Variants in NPC2 observed in about 807,000 individuals in gnomAD.
The protein encoded by NPC2 is Niemann-Pick disease type C2 protein.
NPC2 carries 14 observed loss-of-function variants against 17.0 expected under a neutral mutation model. The ratio of observed to expected loss-of-function variants is 0.82; its 90% confidence interval spans 0.54 to 1.29. The LOEUF (loss-of-function observed/expected upper bound fraction) is 1.29, where lower values mean the gene tolerates loss of function less well. Ranked by LOEUF, NPC2 falls within the 50% of genes most tolerant of loss-of-function variation. NPC2 has a pLI of 0.00. For synonymous variants in NPC2, 75 were observed against 69.3 expected (o/e 1.08, Z -0.41); for missense variants, 167 against 183.4 (o/e 0.91, Z 0.52).
intron 2 of NPC2, among the ~76,000 whole-genome samples, chr14:74,485,532 G>C (rs572215434): frequency 6.7e-6 from 1 of 148,286 alleles, no homozygotes; most frequent in East Asian, 2.0e-4. Context: ...TTTTTTTTTG[G>C]TTTGGAACAA....
chr14:74,493,259 C>T lies in NPC2; in HGVS notation c.16G>A (p.Ala6Thr). MRFLAATFLLLALSTA... is the reference protein window; with the variant it reads MRFLATTFLLLALSTA... ...CTGAGCGCCAGGAGCAGGAATGTAG[C>T]TGCCAGGAAACGCATCGCGGATAAC... is the stretch of plus-strand genomic sequence containing the variant. Residue 6 changes from alanine to threonine, a missense_variant, in exon 1 of 5, where the codon GCT becomes ACT. Physicochemically the swap from Ala to Thr is moderately conservative, Grantham distance 58. Transcript: ENST00000555619. The surrounding 1 kb of genome is among the most constrained non-coding windows in gnomAD (Gnocchi z 4.1). 6.2e-7 allele frequency: 1 copy of T among 1,613,378 alleles called. No homozygotes were observed. Among genetic ancestry groups the T allele is most frequent in the East Asian group, 2.2e-5 (1 of 44,854 alleles).
chr14:74,485,555 G>C lies in NPC2; in HGVS notation c.190+774C>G, dbSNP rs375986127. On this transcript the variant is annotated intron_variant, in intron 2 of 4. Coordinates refer to ENST00000555619, the MANE Select transcript of NPC2 (RefSeq NM_006432.5). ...TGGTTTGGAACAATAGAGAGGCCAGGGTATAGTCCAGAGAGGAAACAGGGA... is the reference window on the plus strand; with the variant it reads ...TGGTTTGGAACAATAGAGAGGCCAGCGTATAGTCCAGAGAGGAAACAGGGA... Among the ~76,000 whole-genome samples, 9 of 141,814 alleles carry C rather than the reference G, an allele frequency of 6.3e-5. 1 individual carries two copies. Among genetic ancestry groups the C allele is most frequent in the African/African-American group, 2.2e-4 (8 of 36,072 alleles). 93.0% of individuals were successfully genotyped at this position (141,814 alleles called of 152,430 possible).
chr14:74,480,168 G>A lies in NPC2; in HGVS notation c.*106C>T. 1 of 1,611,266 alleles carries A rather than the reference G, an allele frequency of 6.2e-7. No homozygotes were observed. Among genetic ancestry groups the A allele is most frequent in the South Asian group, 1.1e-5 (1 of 90,700 alleles). On this transcript the variant is annotated 3_prime_UTR_variant, in exon 5 of 5. Transcript: ENST00000555619. ...GCACCTCCTCTTCAACGAATCACTG[G>A]ATACCATTGGAGAGCAAGTCACTGT... is the stretch of plus-strand genomic sequence containing the variant.
intron 1 of NPC2, among the ~76,000 whole-genome samples, chr14:74,487,143 GT>G (rs150813068): frequency 0.16 from 24,366 of 151,836 alleles, 2,071 homozygotes; most frequent in South Asian, 0.26. Context: ...TAGAGACAGG[GT>G]TTCACTATGT....
chr14:74,480,457 A>C, intron 4 of NPC2, 169 bp from the exon 5 acceptor site: 2 of 777,150 alleles, frequency 2.6e-6, no homozygotes, highest in South Asian at 2.8e-5. Flanking sequence ...AGACAGTTAA[A>C]TCAATCTCTA....
intron 3 of NPC2, among the ~76,000 whole-genome samples, chr14:74,481,200 C>T (rs930010560): frequency 1.3e-5 from 2 of 152,212 alleles, no homozygotes; most frequent in Non-Finnish European, 2.9e-5. Flanking sequence ...TTAGCACCGT[C>T]CCCTTGGTGA....
At chr14:74,480,653 T>C (rs865981290) in intron 4 of NPC2, 49 bp downstream of exon 4, 1 of 1,429,664 alleles carries the variant, frequency 7.0e-7, no homozygotes, top group Middle Eastern at 1.7e-4. Flanking sequence ...TGATTTCTCC[T>C]CCACTTTCTT....
rs2086714270 is a variant in NPC2 at position 74,486,502 on chromosome 14, C to G, written c.83-66G>C. On this transcript the variant is annotated intron_variant, in intron 1 of 4. Coordinates refer to ENST00000555619, the MANE Select transcript of NPC2 (RefSeq NM_006432.5). ...GAAATAAGCCAGCTAGGCTGCCCAC[C>G]ACCTAATGGGAAGGTGCTCTGCTCT... 3.1e-6 allele frequency: 4 copies of G among 1,294,768 alleles called. 1 individual carries two copies. The highest frequency in any genetic ancestry group is 3.9e-4 in the Middle Eastern group (2 of 5,180). 80.2% of individuals were successfully genotyped at this position (1,294,768 alleles called of 1,614,324 possible).
intron 1 of NPC2, among the ~76,000 whole-genome samples, chr14:74,486,955 CA>C (rs2086718428): frequency 6.6e-6 from 1 of 151,488 alleles, no homozygotes; most frequent in African/African-American, 2.4e-5. Context: ...GGAACAACTA[CA>C]TTTTTTTTTT....
chr14:74,483,674 C>T (rs1289794618), intron 3 of NPC2, among the ~76,000 whole-genome samples: 2 of 151,950 alleles, frequency 1.3e-5, no homozygotes, highest in Non-Finnish European at 1.5e-5. Flanking sequence ...TATAAGTTCC[C>T]TGGAGAAAAA....
At chr14:74,484,245 C>T (rs1380970996) in intron 3 of NPC2, among the ~76,000 whole-genome samples, 170 bp downstream of exon 3, 1 of 152,132 alleles carries the variant, frequency 6.6e-6, no homozygotes, top group African/African-American at 2.4e-5. Flanking sequence ...AGAAAAAGAC[C>T]TGCCCTACCT....
chr14:74,484,556 C>G lies in NPC2; in HGVS notation c.222G>C (p.Val74=), dbSNP rs763523833. Residue 74 remains valine, a synonymous_variant, in exon 3 of 5, where the codon GTG becomes GTC. Coordinates refer to ENST00000555619, the MANE Select transcript of NPC2 (RefSeq NM_006432.5). Reference sequence around the variant, plus strand: ...CTGGGACGCCCATCAGGATGCCATGCACCACGGCCTTGCTGCTTTTAGACT... The same window carrying G: ...CTGGGACGCCCATCAGGATGCCATGGACCACGGCCTTGCTGCTTTTAGACT... The part of the protein sequence containing the change: ...NIQSKSSKAV[V]HGILMGVPVP... The G allele has an allele frequency of 2.5e-6, 4 of 1,614,050 alleles. No homozygotes were observed. Among genetic ancestry groups the G allele is most frequent in the Non-Finnish European group, 3.4e-6 (4 of 1,180,026 alleles).
At position 74,486,358 on chromosome 14, in the gene NPC2, G is replaced by A; in HGVS notation, c.161C>T (p.Ser54Phe). The A allele has an allele frequency of 6.2e-7, 1 of 1,603,832 alleles. No homozygotes were observed. Among genetic ancestry groups the A allele is most frequent in the African/African-American group, 1.3e-5 (1 of 74,976 alleles). The change falls in exon 2 of 5, where the codon TCT becomes TTT. Residue 54 changes from serine to phenylalanine, a missense_variant. Transcript: ENST00000555619. ...GGTGAAGGTGACATTGACGCTGTAAGACTGTCCTTTGCTCAGCTGGCAGGG... is the reference window on the plus strand; with the variant it reads ...GGTGAAGGTGACATTGACGCTGTAAAACTGTCCTTTGCTCAGCTGGCAGGG... Reference protein sequence around the residue: ...TQPCQLSKGQSYSVNVTFTSN... With the variant: ...TQPCQLSKGQFYSVNVTFTSN...
At chr14:74,485,435 T>G (rs992237964) in intron 2 of NPC2, among the ~76,000 whole-genome samples, 2 of 151,382 alleles carry the variant, frequency 1.3e-5, no homozygotes. Context: ...ATCAGACTTA[T>G]GAGTTATTAG....
chr14:74,484,621 A>C, intron 2 of NPC2, 34 bp from the exon 3 acceptor site: 2 of 1,611,696 alleles, frequency 1.2e-6, no homozygotes, highest in Non-Finnish European at 1.7e-6. Context: ...ATGGCAAAGA[A>C]AATAACCTAT....
chr14:74,490,870 C>T (rs927742428), intron 1 of NPC2, among the ~76,000 whole-genome samples: 14 of 152,208 alleles, frequency 9.2e-5, no homozygotes, highest in African/African-American at 3.4e-4. Context: ...TTAAAAGCTT[C>T]TTCCCATAGG....
In NPC2 at chr14:74,479,996, G is replaced by C; in HGVS notation, c.*278C>G. 7.1e-7 allele frequency: 1 copy of C among 1,407,288 alleles called. No homozygotes were observed. The highest frequency in any genetic ancestry group is 2.9e-5 in the East Asian group (1 of 35,036). 87.2% of individuals were successfully genotyped at this position (1,407,288 alleles called of 1,614,324 possible). ...ATTCAAGAGTAAATTTCCAGGTGTA[G>C]AAAGAGGCCACAAGTTAATGTTGTT... On this transcript the variant is annotated 3_prime_UTR_variant, in exon 5 of 5. Transcript: ENST00000555619.
At chr14:74,482,912 G>A in intron 3 of NPC2, 3 of 484,276 alleles carry the variant, frequency 6.2e-6, no homozygotes, top group South Asian at 2.0e-5. Context: ...GAGGGAGGAG[G>A]GAGGAGGAGG....
At chr14:74,483,640 G>T (rs2086677827) in intron 3 of NPC2, among the ~76,000 whole-genome samples, 1 of 152,124 alleles carries the variant, frequency 6.6e-6, no homozygotes, top group Non-Finnish European at 1.5e-5. Context: ...ATTATGTGAA[G>T]AATTTAGATC....
Sources: allele counts gnomAD v4.1 joint callset (sites outside exome capture counted in the v4.1 genomes callset), GRCh38; gene constraint gnomAD v4.1.1; non-coding constraint Gnocchi (gnomAD v3.1); transcripts MANE v1.5; gene names NCBI Gene and HGNC (gene_info 2026-07-23, HGNC 2026-07-21).